WWOX: variants seen among roughly 807,000 people sequenced by gnomAD.
The protein encoded by WWOX is WW domain-containing oxidoreductase.
Under a neutral mutation model 46.2 loss-of-function variants are expected in WWOX, and 69 were observed. That is an observed-to-expected ratio of 1.49 (90% confidence interval 1.23 to 1.82). The LOEUF (loss-of-function observed/expected upper bound fraction) is 1.82. WWOX is among the 40% of genes most tolerant of loss of function. The pLI is 0.00. For missense variants in WWOX, 919 were observed against 542.6 expected (o/e 1.69, Z -6.89); for synonymous variants, 359 against 202.6 (o/e 1.77, Z -6.56).
Position 78,106,263 on chromosome 16 carries a change from G to A in WWOX, c.108-2160G>A, listed in dbSNP as rs193143689. Among the ~76,000 whole-genome samples the A allele has an allele frequency of 6.2e-3, 937 of 152,256 alleles. 6 individuals are homozygous for A. The highest frequency in any genetic ancestry group is 9.1e-3 in the Non-Finnish European group (620 of 68,020). On this transcript the variant is annotated intron_variant, in intron 1 of 8. Coordinates refer to ENST00000566780, the MANE Select transcript of WWOX (RefSeq NM_016373.4). ...TTGAGACACAGCTCTGCAAGGGGCT[G>A]GAAGGTTTCATGTTATTGCCAATGC...
intron 5 of WWOX, among the ~76,000 whole-genome samples, chr16:78,310,835 C>T (rs1428400577): frequency 6.6e-6 from 1 of 152,184 alleles, no homozygotes; most frequent in Non-Finnish European, 1.5e-5. Context: ...GTTCAATTCC[C>T]AGCAAGAAAT....
intron 8 of WWOX, among the ~76,000 whole-genome samples, chr16:78,634,585 A>C (rs2151664850): frequency 6.6e-6 from 1 of 152,164 alleles, no homozygotes; most frequent in Admixed American, 6.5e-5. Flanking sequence ...GGGCGCCTGT[A>C]ATCCCAGCTA....
intron 5 of WWOX, among the ~76,000 whole-genome samples, chr16:78,232,212 G>T (rs2037293111): frequency 6.6e-6 from 1 of 152,130 alleles, no homozygotes; most frequent in Non-Finnish European, 1.5e-5. Context: ...TACAATTGAA[G>T]AATTTCAGGT....
At chr16:78,465,184 A>G (rs1567589099) in intron 8 of WWOX, among the ~76,000 whole-genome samples, 3 of 152,172 alleles carry the variant, frequency 2.0e-5, no homozygotes, top group East Asian at 3.9e-4. Flanking sequence ...TCAAGATGAG[A>G]TTTGGGTGGG....
chr16:79,073,777 C>G (rs1297143276), intron 8 of WWOX, among the ~76,000 whole-genome samples: 1 of 152,158 alleles, frequency 6.6e-6, no homozygotes, highest in East Asian at 1.9e-4. Flanking sequence ...GGGTTTATAA[C>G]TGATCCACTG....
At chr16:78,278,716 G>A in intron 5 of WWOX, 2 of 1,481,932 alleles carry the variant, frequency 1.3e-6, no homozygotes, top group African/African-American at 1.4e-5. Flanking sequence ...TTCTTTTGTG[G>A]GTATTTCCTG....
intron 8 of WWOX, among the ~76,000 whole-genome samples, chr16:78,565,449 T>A (rs183009055): frequency 2.0e-5 from 3 of 152,172 alleles, no homozygotes; most frequent in African/African-American, 7.2e-5. Flanking sequence ...ACCAGCAGTT[T>A]AATATCATCA....
At position 78,432,676 on chromosome 16, in the gene WWOX, TGTACTCCAACATTCATC is replaced by T. The variant is rs765544833; in HGVS notation, c.982_998del (p.Tyr328GlnfsTer195). On this transcript the variant is annotated frameshift_variant, in exon 8 of 9. Coordinates refer to ENST00000566780, the MANE Select transcript of WWOX (RefSeq NM_016373.4). LOFTEE classifies it high-confidence loss of function. Reference sequence around the variant, plus strand: ...AACGCAGTGCATCCTGGAAATATGATGTACTCCAACATTCATCGCAGCTGGTGGGTGTACACACTGCT... The same window carrying T: ...AACGCAGTGCATCCTGGAAATATGATGCAGCTGGTGGGTGTACACACTGCT... 1 of 1,614,210 alleles carries T rather than the reference TGTACTCCAACATTCATC, an allele frequency of 6.2e-7. No individual in the cohort carries two copies. The highest frequency in any genetic ancestry group is 8.5e-7 in the Non-Finnish European group (1 of 1,180,034).
chr16:78,702,120 A>ATATATATATTTATTTATTTATT (rs1207718237), intron 8 of WWOX, among the ~76,000 whole-genome samples: 1 of 130,040 alleles, frequency 7.7e-6, no homozygotes, highest in African/African-American at 3.3e-5. Flanking sequence ...ATATATATAT[A>ATATATATATTTATTTATTTATT]TATTTATTTA....
chr16:78,978,476 T>G (rs2046616020), intron 8 of WWOX, among the ~76,000 whole-genome samples: 1 of 152,208 alleles, frequency 6.6e-6, no homozygotes, highest in Non-Finnish European at 1.5e-5. Flanking sequence ...GGTTCCAGTT[T>G]CTCACACTGT....
intron 8 of WWOX, among the ~76,000 whole-genome samples, chr16:79,073,138 T>C (rs1300172593): frequency 7.1e-6 from 1 of 140,572 alleles, no homozygotes; most frequent in Non-Finnish European, 1.5e-5. Context: ...TTTTACATTA[T>C]AGTAGTTATT....
intron 8 of WWOX, among the ~76,000 whole-genome samples, chr16:78,482,489 C>T (rs943517792): frequency 2.6e-5 from 4 of 152,186 alleles, no homozygotes; most frequent in Non-Finnish European, 2.9e-5. Context: ...TCCGAAAGTG[C>T]TGGGATGACA....
At chr16:78,245,757 C>G (rs2037796725) in intron 5 of WWOX, among the ~76,000 whole-genome samples, 1 of 152,156 alleles carries the variant, frequency 6.6e-6, no homozygotes, top group South Asian at 2.1e-4. Context: ...TGAATGTTTC[C>G]TAAGTTAGTT....
intron 5 of WWOX, 109 bp downstream of exon 5, chr16:78,164,398 T>A: frequency 1.0e-6 from 1 of 975,324 alleles, no homozygotes; most frequent in Non-Finnish European, 1.6e-6. Context: ...TGGAATCATG[T>A]CTTTATTTTT....
intron 5 of WWOX, among the ~76,000 whole-genome samples, chr16:78,321,334 ATGCG>A (rs1567499125): frequency 1.6e-4 from 10 of 61,464 alleles, no homozygotes; most frequent in African/African-American, 2.0e-4. Flanking sequence ...ATACGTATAT[ATGCG>A]TATATATATA....
chr16:78,886,217 G>A lies in WWOX; in HGVS notation c.1057-325391G>A, dbSNP rs369597917. ...TCGGATTACAGGCATGAACCACTGC[G>A]CCTGACTGTACTTTTTTTTTTTTAA... On this transcript the variant is annotated intron_variant, in intron 8 of 8. Coordinates refer to ENST00000566780, the MANE Select transcript of WWOX (RefSeq NM_016373.4). 2.0e-4 allele frequency among the ~76,000 whole-genome samples: 28 copies of A among 140,844 alleles called. No individual in the cohort carries two copies. The East Asian group carries it at 2.5e-3, about 13-fold the overall frequency. The allele number at this position is 140,844 out of a possible 152,430, so 92.4% of individuals were successfully genotyped here.
intron 8 of WWOX, among the ~76,000 whole-genome samples, chr16:78,842,592 G>A (rs1437424259): frequency 6.6e-6 from 1 of 152,206 alleles, no homozygotes; most frequent in Non-Finnish European, 1.5e-5. Flanking sequence ...AGTTGGGCAT[G>A]CTGGCTCATG....
At chr16:78,100,403 C>G (rs1191680109) in intron 1 of WWOX, among the ~76,000 whole-genome samples, 4 of 152,158 alleles carry the variant, frequency 2.6e-5, no homozygotes, top group Non-Finnish European at 4.4e-5. Context: ...CAAGCGTGCA[C>G]TACTATGCCC....
intron 8 of WWOX, among the ~76,000 whole-genome samples, chr16:78,802,534 A>G (rs746152829): frequency 6.6e-6 from 1 of 152,108 alleles, no homozygotes; most frequent in South Asian, 2.1e-4. Context: ...AAGACCAACC[A>G]TTTTCCCCAA....
Sources: gnomAD v4.1 joint callset for allele counts (sites outside exome capture counted in the v4.1 genomes callset) on GRCh38, gnomAD v4.1.1 for gene constraint, MANE v1.5 for transcripts, NCBI Gene and HGNC (gene_info 2026-07-23, HGNC 2026-07-21) for gene names.